CACNA1E: variants seen among roughly 807,000 people sequenced by gnomAD.
CACNA1E encodes voltage-dependent R-type calcium channel subunit alpha-1E.
In CACNA1E, 40 loss-of-function variants were observed where a neutral mutation model predicts 259.2. That is an observed-to-expected ratio of 0.15 (90% CI 0.12 to 0.20). CACNA1E has a LOEUF of 0.20. CACNA1E is among the 10% of genes least tolerant of loss of function. The probability of loss-of-function intolerance (pLI) is 1.00; values close to 1 mark genes in which losing one functional copy is unlikely to be tolerated. For synonymous variants in CACNA1E, 1,104 were observed against 1,138.5 expected, an observed-to-expected ratio of 0.97 and a Z score of 0.61; for missense variants, 1,874 against 3,040.1, an observed-to-expected ratio of 0.62 and a Z score of 9.02.
chr1:181,781,387 C>G (rs1406429887), intron 38 of CACNA1E, 40 bp from the exon 39 acceptor site: 1 of 1,025,698 alleles, frequency 9.7e-7, no homozygotes, highest in Non-Finnish European at 1.5e-6. Context: ...CACTGCCCCG[C>G]TAACCCACCC....
intron 34 of CACNA1E, among the ~76,000 whole-genome samples, chr1:181,765,340 G>A (rs1658929149): frequency 6.6e-6 from 1 of 152,176 alleles, no homozygotes; most frequent in Non-Finnish European, 1.5e-5. Flanking sequence ...GGAGACAGTA[G>A]AATAAGGGCA....
At chr1:181,370,469 C>T (rs768273894) in intron 1 of CACNA1E, among the ~76,000 whole-genome samples, 12 of 152,096 alleles carry the variant, frequency 7.9e-5, no homozygotes, top group Non-Finnish European at 1.5e-4. Context: ...TTTGTTGTTC[C>T]CCTCTTTATG....
chr1:181,372,829 T>TATATATA lies in CACNA1E; in HGVS notation c.-14-40304_-14-40303insATATATA, dbSNP rs200880723. On this transcript the variant is annotated intron_variant, in intron 1 of 11. Coordinates refer to the CACNA1E transcript ENST00000524607. ...TGTTGAATATATATATATATATATA[T>TATATATA]TTTTTTTTTAACATGAAGGGATATT... Among the ~76,000 whole-genome samples, 307 of 86,382 alleles carry TATATATA rather than the reference T, an allele frequency of 3.6e-3. 2 individuals are homozygous for TATATATA. The highest frequency in any genetic ancestry group is 0.012 in the African/African-American group (283 of 24,180). The allele number at this position is 86,382 out of a possible 152,430, so 56.7% of individuals were successfully genotyped here. A position where few individuals can be genotyped will look rare whatever the true frequency, so the allele number is the denominator to read the frequency against.
intron 1 of CACNA1E, among the ~76,000 whole-genome samples, chr1:181,347,445 G>A (rs1652680925): frequency 6.6e-6 from 1 of 152,116 alleles, no homozygotes; most frequent in African/African-American, 2.4e-5. Flanking sequence ...ATGAATCAAT[G>A]TGCAGCTTGT....
At chr1:181,738,528 T>C in intron 24 of CACNA1E, 102 bp downstream of exon 24, 1 of 902,318 alleles carries the variant, frequency 1.1e-6, no homozygotes, top group Non-Finnish European at 1.8e-6. Flanking sequence ...TACCAGCCAA[T>C]GGCAGCCCTC....
intron 6 of CACNA1E, among the ~76,000 whole-genome samples, chr1:181,596,110 G>A (rs943501610): frequency 2.6e-5 from 4 of 152,120 alleles, no homozygotes; most frequent in Middle Eastern, 3.2e-3. Context: ...AGATTGGGCC[G>A]GGGAGATTGA....
At chr1:181,634,052 C>A (rs570025945) in intron 6 of CACNA1E, among the ~76,000 whole-genome samples, 3 of 152,202 alleles carry the variant, frequency 2.0e-5, no homozygotes, top group African/African-American at 4.8e-5. Flanking sequence ...CCAGTTTGCA[C>A]CCCTTTCCAT....
intron 1 of CACNA1E, among the ~76,000 whole-genome samples, chr1:181,355,586 TCAAAC>T (rs1653361985): frequency 7.7e-6 from 1 of 129,360 alleles, no homozygotes; most frequent in Non-Finnish European, 1.6e-5. Context: ...AGACTCCATC[TCAAAC>T]AAAACAAAAC....
Position 181,610,990 on chromosome 1 carries a change from A to G in CACNA1E, c.951+30214A>G, listed in dbSNP as rs538676790. Among the ~76,000 whole-genome samples the G allele has an allele frequency of 1.5e-4, 23 of 152,290 alleles. No individual in the cohort carries two copies. In the East Asian group the frequency reaches 4.4e-3, roughly 29 times the overall value. ...AAACAGAAGAGTTAATAACTCACCA[A>G]AGTCACAGCTCAGTCCATGATCTTA... is the stretch of plus-strand genomic sequence containing the variant. On this transcript the variant is annotated intron_variant, in intron 6 of 47. Coordinates refer to ENST00000367573, the MANE Select transcript of CACNA1E (RefSeq NM_001205293.3).
Position 181,505,306 on chromosome 1 carries a change from C to T in CACNA1E, c.267-5171C>T, listed in dbSNP as rs183306366. On this transcript the variant is annotated intron_variant, in intron 1 of 47. Coordinates refer to ENST00000367573, the MANE Select transcript of CACNA1E (RefSeq NM_001205293.3). ...AAGAAAGTGAAAATAACCCTGCTAC[C>T]GAGAGAAGACTCATCATCCTTCCAG... Among the ~76,000 whole-genome samples, 259 of 152,106 alleles carry T rather than the reference C, an allele frequency of 1.7e-3. 1 individual carries two copies. Among genetic ancestry groups the T allele is most frequent in the African/African-American group, 5.2e-3 (216 of 41,490 alleles).
intron 3 of CACNA1E, among the ~76,000 whole-genome samples, chr1:181,575,899 T>C (rs940295190): frequency 1.3e-5 from 2 of 152,208 alleles, no homozygotes; most frequent in Admixed American, 1.3e-4. Flanking sequence ...TCTCTTTATC[T>C]CGCTCTTTCT....
At chr1:181,458,561 C>T (rs1484349710) in intron 2 of CACNA1E, among the ~76,000 whole-genome samples, 1 of 152,192 alleles carries the variant, frequency 6.6e-6, no homozygotes, top group Non-Finnish European at 1.5e-5. Flanking sequence ...GACAGCAAGG[C>T]AGGATTTAGC....
In CACNA1E at chr1:181,712,666, G is replaced by A. The variant is rs141057127; in HGVS notation, c.1171+1597G>A. Among the ~76,000 whole-genome samples the A allele has an allele frequency of 6.5e-3, 990 of 152,244 alleles. 14 individuals are homozygous for A. Among genetic ancestry groups the A allele is most frequent in the African/African-American group, 0.023 (951 of 41,532 alleles). ...TCCAAGGCTGTTGTGTAGGGATGAAGTGGACACAAATATCCCCTACCGCTT... is the reference window on the plus strand; with the variant it reads ...TCCAAGGCTGTTGTGTAGGGATGAAATGGACACAAATATCCCCTACCGCTT... On this transcript the variant is annotated intron_variant, in intron 8 of 47. Transcript: ENST00000367573.
At chr1:181,625,192 C>T (rs1381598425) in intron 6 of CACNA1E, among the ~76,000 whole-genome samples, 2 of 151,598 alleles carry the variant, frequency 1.3e-5, no homozygotes, top group African/African-American at 2.4e-5. Context: ...TAGCATAACT[C>T]CTAAGGGCCC....
chr1:181,399,683 C>G (rs1656952299), intron 1 of CACNA1E, among the ~76,000 whole-genome samples: 1 of 152,200 alleles, frequency 6.6e-6, no homozygotes, highest in Non-Finnish European at 1.5e-5. Flanking sequence ...ATGTTCTCAC[C>G]TCATGTTCAG....
In CACNA1E at chr1:181,763,492, C is replaced by T. The variant is rs771377245; in HGVS notation, c.4776C>T (p.Thr1592=). 6 of 1,597,324 alleles carry T rather than the reference C, an allele frequency of 3.8e-6. No individual in the cohort carries two copies. The highest frequency in any genetic ancestry group is 5.1e-6 in the Non-Finnish European group (6 of 1,166,574). The change falls in exon 34 of 48, where the codon ACC becomes ACT. Residue 1592 remains threonine (T), a synonymous_variant. Transcript: ENST00000367573. ...RLIKLLRQGY[T]IRILLWTFVQ... ...TAAAGCTCCTGCGTCAGGGCTATACCATACGCATTTTGCTGTGGACCTTTG... is the reference window on the plus strand; with the variant it reads ...TAAAGCTCCTGCGTCAGGGCTATACTATACGCATTTTGCTGTGGACCTTTG...
intron 1 of CACNA1E, among the ~76,000 whole-genome samples, chr1:181,388,068 C>T (rs1057377664): frequency 3.3e-5 from 5 of 152,202 alleles, no homozygotes; most frequent in African/African-American, 1.2e-4. Context: ...GTCTCAATTC[C>T]TGTGGTCACC....
rs1244660499 is a variant in CACNA1E at position 181,732,116 on chromosome 1, C to T, written c.2298-268C>T. ...AGCAGGCCCTGGGGACTTGGAACTC[C>T]TCCCAGGGTTGATGCCTACCCAGCC... On this transcript the variant is annotated intron_variant, in intron 19 of 47. Transcript: ENST00000367573. The surrounding 1 kb of genome is among the most constrained non-coding windows in gnomAD (Gnocchi z 5.5). Among the ~76,000 whole-genome samples the T allele has an allele frequency of 1.3e-5, 2 of 152,022 alleles. No individual in the cohort carries two copies. Among genetic ancestry groups the T allele is most frequent in the African/African-American group, 4.8e-5 (2 of 41,398 alleles).
intron 1 of CACNA1E, among the ~76,000 whole-genome samples, chr1:181,330,837 T>C (rs549060176): frequency 2.0e-4 from 31 of 152,340 alleles, no homozygotes; most frequent in African/African-American, 7.2e-4. Flanking sequence ...TTCCTTGATG[T>C]ATGTAGGAAT....
Sources: allele counts gnomAD v4.1 joint callset (sites outside exome capture counted in the v4.1 genomes callset), GRCh38; gene constraint gnomAD v4.1.1; non-coding constraint Gnocchi (gnomAD v3.1); transcripts MANE v1.5; gene names NCBI Gene and HGNC (gene_info 2026-07-23, HGNC 2026-07-21).